Variants in CDH13 observed in about 807,000 individuals in gnomAD.
CDH13 encodes the protein cadherin 13, also known as cadherin-13.
Under a neutral mutation model 63.8 loss-of-function variants are expected in CDH13, and 24 were observed. The ratio of observed to expected loss-of-function variants is 0.38; its 90% CI spans 0.27 to 0.53. The LOEUF (loss-of-function observed/expected upper bound fraction) is 0.53. CDH13 is among the 20% of genes least tolerant of loss of function. The pLI is 0.85. For missense variants in CDH13, 1,049 were observed against 903.1 expected (o/e 1.16, Z -2.07); for synonymous variants, 503 against 355.3 (o/e 1.42, Z -4.67).
At chr16:82,990,446 G>C (rs2151403576) in intron 2 of CDH13, 1 of 152,226 alleles carries the variant, frequency 6.6e-6, no homozygotes, top group Admixed American at 6.5e-5. Flanking sequence ...GCCCCTCCTG[G>C]ACTTACGTTC....
intron 2 of CDH13, among the ~76,000 whole-genome samples, chr16:82,863,925 AAAGT>A (rs1191140541): frequency 3.9e-5 from 6 of 152,186 alleles, no homozygotes; most frequent in African/African-American, 1.4e-4. Flanking sequence ...GAATTTTTTA[AAAGT>A]AAGTAAATGA....
At chr16:83,569,071 T>C (rs1337373048) in intron 7 of CDH13, among the ~76,000 whole-genome samples, 1 of 152,088 alleles carries the variant, frequency 6.6e-6, no homozygotes, top group African/African-American at 2.4e-5. Flanking sequence ...CTCCTCTCCT[T>C]TCCCTCCTTC....
At chr16:83,227,771 C>A (rs992430426) in intron 5 of CDH13, among the ~76,000 whole-genome samples, 6 of 152,128 alleles carry the variant, frequency 3.9e-5, no homozygotes, top group African/African-American at 1.4e-4. Context: ...AGCGTCCACG[C>A]CAGGCAGTGC....
chr16:83,003,880 T>C (rs1913200069), intron 2 of CDH13, among the ~76,000 whole-genome samples: 1 of 152,232 alleles, frequency 6.6e-6, no homozygotes, highest in Non-Finnish European at 1.5e-5. Flanking sequence ...ATGATGCCTC[T>C]CTGTCACTTC....
intron 1 of CDH13, among the ~76,000 whole-genome samples, chr16:82,758,006 C>G (rs950193631): frequency 2.0e-5 from 3 of 152,198 alleles, no homozygotes; most frequent in Admixed American, 1.3e-4. Context: ...ATCTCTCTGG[C>G]AAGTGTGTGA....
At chr16:83,646,713 AC>A (rs111436830) in intron 8 of CDH13, among the ~76,000 whole-genome samples, 29 of 17,766 alleles carry the variant, frequency 1.6e-3, no homozygotes, top group South Asian at 7.1e-3. Flanking sequence ...AAAAAAAAAA[AC>A]ACACACACAC....
chr16:83,381,562 C>T (rs2151417886), intron 6 of CDH13, among the ~76,000 whole-genome samples: 1 of 152,068 alleles, frequency 6.6e-6, no homozygotes, highest in African/African-American at 2.4e-5. Flanking sequence ...ACTTTCTCTT[C>T]CCAATTATTA....
At chr16:83,739,384 G>A (rs574969788) in intron 10 of CDH13, among the ~76,000 whole-genome samples, 2 of 152,324 alleles carry the variant, frequency 1.3e-5, no homozygotes, top group Non-Finnish European at 2.9e-5. Flanking sequence ...GCAGACTCCT[G>A]CAAGCTGGTA....
intron 7 of CDH13, among the ~76,000 whole-genome samples, chr16:83,503,506 G>C (rs1421097097): frequency 1.3e-5 from 2 of 152,116 alleles, no homozygotes; most frequent in African/African-American, 2.4e-5. Context: ...AGGAGGAAAG[G>C]AGACATAGCT....
intron 6 of CDH13, among the ~76,000 whole-genome samples, chr16:83,481,812 C>T (rs2151555733): frequency 6.6e-6 from 1 of 152,224 alleles, no homozygotes; most frequent in Non-Finnish European, 1.5e-5. Flanking sequence ...GTGTGGAAGC[C>T]CCAATGCGTG....
intron 10 of CDH13, among the ~76,000 whole-genome samples, chr16:83,727,740 G>C (rs1210616133): frequency 3.9e-5 from 6 of 152,110 alleles, no homozygotes; most frequent in Non-Finnish European, 1.5e-5. Context: ...GTGTGTTCAG[G>C]ACAGGAGGAC....
chr16:83,160,075 C>G (rs753112176), intron 4 of CDH13, among the ~76,000 whole-genome samples: 7 of 151,034 alleles, frequency 4.6e-5, no homozygotes, highest in Non-Finnish European at 7.4e-5. Flanking sequence ...GACTCTGTCT[C>G]AAAAAATAAA....
Position 83,795,884 on chromosome 16 carries a change from ATC to A in CDH13, c.*859_*860del, listed in dbSNP as rs1904278445. The stretch of plus-strand genomic sequence containing the variant: ...ATGGGGACACAGATCATGGTAGAGA[ATC>A]TCTCCCTCCTCAGTAAATGTACAAC... On this transcript the variant is annotated 3_prime_UTR_variant, in exon 14 of 14. Coordinates refer to ENST00000567109, the MANE Select transcript of CDH13 (RefSeq NM_001257.5). The A allele has an allele frequency of 6.6e-6, 1 of 152,596 alleles. No individual in the cohort carries two copies. The highest frequency in any genetic ancestry group is 6.5e-5 in the Admixed American group (1 of 15,282). 9.5% of individuals were successfully genotyped at this position (152,596 alleles called of 1,614,324 possible). A position where few individuals can be genotyped will look rare whatever the true frequency, so the allele number is the denominator to read the frequency against.
chr16:82,965,611 A>C (rs1273752384), intron 2 of CDH13, among the ~76,000 whole-genome samples: 1 of 152,172 alleles, frequency 6.6e-6, no homozygotes, highest in Non-Finnish European at 1.5e-5. Context: ...GGCTCACTGC[A>C]ACCTCTACTT....
chr16:83,228,969 C>A (rs1218312605), intron 5 of CDH13, among the ~76,000 whole-genome samples: 1 of 152,096 alleles, frequency 6.6e-6, no homozygotes, highest in Non-Finnish European at 1.5e-5. Flanking sequence ...CCAAGAAGAC[C>A]TGGGTAGTGA....
At chr16:83,504,154 C>G (rs1318567682) in intron 7 of CDH13, among the ~76,000 whole-genome samples, 2 of 152,160 alleles carry the variant, frequency 1.3e-5, no homozygotes, top group East Asian at 1.9e-4. Flanking sequence ...GCCCGTTCCT[C>G]TGAATGGACA....
At chr16:83,458,816 G>T (rs17289333) in intron 6 of CDH13, among the ~76,000 whole-genome samples, 22,195 of 152,152 alleles carry the variant, frequency 0.15, 1,806 homozygotes, top group Middle Eastern at 0.21. Context: ...AGCACCGGTT[G>T]TCTCTTTCTC....
At chr16:82,797,195 C>T (rs146512480) in intron 1 of CDH13, among the ~76,000 whole-genome samples, 4 of 152,146 alleles carry the variant, frequency 2.6e-5, no homozygotes, top group Admixed American at 2.6e-4. Context: ...GGAATGGTGA[C>T]TTTTCAGTTG....
At chr16:82,829,414 C>T (rs887410407) in intron 1 of CDH13, 2 of 152,098 alleles carry the variant, frequency 1.3e-5, no homozygotes, top group African/African-American at 4.8e-5. Flanking sequence ...CTTGAAACAC[C>T]TTCCAGGCTG....
Sources: gnomAD v4.1 joint callset for allele counts (sites outside exome capture counted in the v4.1 genomes callset) on GRCh38, gnomAD v4.1.1 for gene constraint, MANE v1.5 for transcripts, NCBI Gene and HGNC (gene_info 2026-07-23, HGNC 2026-07-21) for gene names.